RRP1B: variants seen among roughly 807,000 people sequenced by gnomAD.
RRP1B encodes the protein ribosomal RNA processing protein 1 homolog B.
RRP1B carries 56 observed loss-of-function variants against 80.2 expected under a neutral mutation model. The ratio of observed to expected loss-of-function variants is 0.70; its 90% CI spans 0.56 to 0.87. The LOEUF is 0.87. RRP1B is among the 40% of genes least tolerant of loss of function. RRP1B has a pLI of 0.00. For synonymous variants in RRP1B, 351 were observed against 357.6 expected (o/e 0.98, Z 0.21); for missense variants, 807 against 939.8 (o/e 0.86, Z 1.85).
chr21:43,681,261 C>CAGATAGATAGATAGAT (rs372143608), intron 8 of RRP1B, among the ~76,000 whole-genome samples: 19 of 149,756 alleles, frequency 1.3e-4, no homozygotes, highest in South Asian at 6.4e-4. Flanking sequence ...AATAAATAAA[C>CAGATAGATAGATAGAT]AGATAGATAG....
chr21:43,673,848 T>G lies in RRP1B; in HGVS notation c.272-22T>G, dbSNP rs770897040. 4.4e-6 allele frequency: 7 copies of G among 1,575,586 alleles called. No individual in the cohort carries two copies. In the South Asian group the frequency reaches 7.8e-5, roughly 18 times the overall value. ...TATGTTGATGTGGAAGCCAAGTATTTAGAGCCTTTTGTTCACTGCAGAACA... is the reference window on the plus strand; with the variant it reads ...TATGTTGATGTGGAAGCCAAGTATTGAGAGCCTTTTGTTCACTGCAGAACA... On this transcript the variant is annotated intron_variant, in intron 3 of 15. Coordinates refer to ENST00000340648, the MANE Select transcript of RRP1B (RefSeq NM_015056.3).
At chr21:43,674,771 C>T in intron 5 of RRP1B, 74 bp downstream of exon 5, 2 of 1,325,076 alleles carry the variant, frequency 1.5e-6, no homozygotes, top group Non-Finnish European at 2.1e-6. Context: ...GTTTTCTGAA[C>T]TTGTAGAGTA....
In RRP1B at chr21:43,674,639, A is replaced by ATTCGTC; in HGVS notation, c.363_368dup (p.Arg122_Leu123dup). On this transcript the variant is annotated inframe_insertion, in exon 5 of 16. Coordinates refer to ENST00000340648, the MANE Select transcript of RRP1B (RefSeq NM_015056.3). ...AACAAAAATTGCCTTTCTTTAGCTG[A>ATTCGTC]TTCGTCTGGTCCTGAGGCAGTCCTT... 4 of 785,724 alleles carry ATTCGTC rather than the reference A, an allele frequency of 5.1e-6. No individual in the cohort carries two copies. Among genetic ancestry groups the ATTCGTC allele is most frequent in the Non-Finnish European group, 6.7e-6 (4 of 597,410 alleles). The allele number at this position is 785,724 out of a possible 1,614,324, so 48.7% of individuals were successfully genotyped here.
Position 43,676,284 on chromosome 21 carries a change from C to T in RRP1B, c.562C>T (p.Gln188Ter), listed in dbSNP as rs2083022189. 6.2e-7 allele frequency: 1 copy of T among 1,611,972 alleles called. No homozygotes were observed. The highest frequency in any genetic ancestry group is 8.5e-7 in the Non-Finnish European group (1 of 1,178,526). ...KVGGKELLAD[Q>*]NLKFIDPFCK... ...TTCTAAATTACAGCTTTTAGCAGAT[C>T]AGAATCTCAAGTTTATCGATCCATT... Residue 188 changes from glutamine to a stop codon, truncating the protein, a stop_gained, in exon 7 of 16, where the codon CAG becomes TAG. Transcript: ENST00000340648. LOFTEE classifies it high-confidence loss of function.
intron 8 of RRP1B, among the ~76,000 whole-genome samples, chr21:43,681,657 G>GA (rs1234976217): frequency 6.6e-6 from 1 of 151,806 alleles, no homozygotes; most frequent in East Asian, 1.9e-4. Flanking sequence ...TTAAAAGAAA[G>GA]AAAAAATACT....
intron 9 of RRP1B, 76 bp downstream of exon 9, chr21:43,683,449 C>T: frequency 8.8e-7 from 1 of 1,135,960 alleles, no homozygotes; most frequent in South Asian, 1.3e-5. Flanking sequence ...AGGGTCACAG[C>T]TAGTTAAGCT....
At chr21:43,676,243 C>A (rs765325076) in intron 6 of RRP1B, 29 bp from the exon 7 acceptor site, 3 of 1,533,084 alleles carry the variant, frequency 2.0e-6, no homozygotes, top group African/African-American at 1.4e-5. Context: ...AAGGCTCTTT[C>A]TCAATTTTTC....
chr21:43,678,335 A>G (rs576346196), intron 8 of RRP1B, among the ~76,000 whole-genome samples: 3 of 152,132 alleles, frequency 2.0e-5, no homozygotes, highest in Admixed American at 2.0e-4. Context: ...AATTTTTTGC[A>G]TTTTAGTAGA....
Position 43,659,933 on chromosome 21 carries a change from C to T in RRP1B, c.130+139C>T, listed in dbSNP as rs2082942820. 2 of 972,824 alleles carry T rather than the reference C, an allele frequency of 2.1e-6. No homozygotes were observed. Among genetic ancestry groups the T allele is most frequent in the Admixed American group, 3.9e-5 (1 of 25,472 alleles). The allele number at this position is 972,824 out of a possible 1,614,324, so 60.3% of individuals were successfully genotyped here. On this transcript the variant is annotated intron_variant, in intron 1 of 15. Coordinates refer to ENST00000340648, the MANE Select transcript of RRP1B (RefSeq NM_015056.3). The surrounding 1 kb of genome is among the most constrained non-coding windows in gnomAD (Gnocchi z 4.2). The stretch of plus-strand genomic sequence containing the variant: ...GCGTGTGCTTCGGTTTCCGCGCTGC[C>T]GGAACCGCTTCTTGCTGTGTCTAGT...
At chr21:43,684,426 C>A in intron 9 of RRP1B, 127 bp from the exon 10 acceptor site, 1 of 788,810 alleles carries the variant, frequency 1.3e-6, no homozygotes, top group Non-Finnish European at 2.2e-6. Context: ...AGTCCCAGCA[C>A]AAGCTTGTTT....
At chr21:43,675,782 C>T (rs988042036) in intron 6 of RRP1B, among the ~76,000 whole-genome samples, 3 of 152,146 alleles carry the variant, frequency 2.0e-5, no homozygotes, top group Non-Finnish European at 4.4e-5. Context: ...GGGCCCAGGG[C>T]AGCTTTGAAT....
chr21:43,682,759 A>G (rs1156239116), intron 8 of RRP1B, among the ~76,000 whole-genome samples: 1 of 152,276 alleles, frequency 6.6e-6, no homozygotes, highest in East Asian at 1.9e-4. Flanking sequence ...TGGGTACAAA[A>G]GGCAAAACAT....
chr21:43,683,220 G>A (rs946087454), intron 8 of RRP1B, 59 bp from the exon 9 acceptor site: 2 of 1,372,254 alleles, frequency 1.5e-6, no homozygotes, highest in Admixed American at 1.7e-5. Context: ...TCCTGTGGAA[G>A]TAGTCACTTC....
intron 1 of RRP1B, among the ~76,000 whole-genome samples, chr21:43,663,732 A>G (rs1267651766): frequency 6.8e-6 from 1 of 147,126 alleles, no homozygotes; most frequent in Admixed American, 6.8e-5. Context: ...TAATTTTTGT[A>G]TTTTTTTAGT....
At position 43,676,347 on chromosome 21, in the gene RRP1B, C is replaced by T; in HGVS notation, c.614+11C>T. On this transcript the variant is annotated intron_variant, in intron 7 of 15. Transcript: ENST00000340648. Reference sequence around the variant, plus strand: ...TGCGAAGACGAAGGAGTAAGTGATTCCCCTGTTCGTTCCTCCTGCTCCGTG... The same window carrying T: ...TGCGAAGACGAAGGAGTAAGTGATTTCCCTGTTCGTTCCTCCTGCTCCGTG... 3 of 1,601,162 alleles carry T rather than the reference C, an allele frequency of 1.9e-6. No homozygotes were observed. In the South Asian group the frequency reaches 3.3e-5, roughly 18 times the overall value.
chr21:43,683,440 G>A, intron 9 of RRP1B, 67 bp downstream of exon 9: 1 of 1,257,612 alleles, frequency 8.0e-7, no homozygotes, highest in South Asian at 1.2e-5. Context: ...TAGAGAATTA[G>A]GGTCACAGCT....
At position 43,695,352 on chromosome 21, in the gene RRP1B, C is replaced by T. The variant is rs1194161521; in HGVS notation, c.*1969C>T. The T allele has an allele frequency of 6.6e-6, 1 of 152,074 alleles. No individual in the cohort carries two copies. Among genetic ancestry groups the T allele is most frequent in the African/African-American group, 2.4e-5 (1 of 41,406 alleles). The allele number at this position is 152,074 out of a possible 1,614,324, so 9.4% of individuals were successfully genotyped here. A position where few individuals can be genotyped will look rare whatever the true frequency, so the allele number is the denominator to read the frequency against. Reference sequence around the variant, plus strand: ...GCAGACTATTGCAGGAATGTTTTTTCCTAGCATTTCTATATTATCTGTCCA... The same window carrying T: ...GCAGACTATTGCAGGAATGTTTTTTTCTAGCATTTCTATATTATCTGTCCA... On this transcript the variant is annotated 3_prime_UTR_variant, in exon 16 of 16. Coordinates refer to ENST00000340648, the MANE Select transcript of RRP1B (RefSeq NM_015056.3).
chr21:43,687,019 G>C (rs530975261), intron 12 of RRP1B, 84 bp downstream of exon 12: 30 of 1,447,884 alleles, frequency 2.1e-5, no homozygotes, highest in Non-Finnish European at 6.6e-6. Context: ...ACTTGAGCTC[G>C]TGCCGTCATA....
At chr21:43,674,064 G>A (rs762058088) in intron 4 of RRP1B, 109 bp downstream of exon 4, 11 of 778,098 alleles carry the variant, frequency 1.4e-5, no homozygotes, top group Middle Eastern at 2.8e-4. Context: ...CACAGGCTTA[G>A]TGTGAAGGAA....
Sources: gnomAD v4.1 joint callset for allele counts (sites outside exome capture counted in the v4.1 genomes callset) on GRCh38, gnomAD v4.1.1 for gene constraint, Gnocchi (gnomAD v3.1) non-coding constraint, MANE v1.5 for transcripts, NCBI Gene and HGNC (gene_info 2026-07-23, HGNC 2026-07-21) for gene names.